ATP10A: variants seen among roughly 807,000 people sequenced by gnomAD.
ATP10A encodes the protein phospholipid-transporting ATPase VA.
In ATP10A, 111 loss-of-function variants were observed where a neutral mutation model predicts 147.8. The ratio of observed to expected loss-of-function variants is 0.75; its 90% confidence interval spans 0.64 to 0.88. The LOEUF is 0.88. Ranked by LOEUF, ATP10A falls within the 40% of genes least tolerant of loss-of-function variation. The pLI, the probability that ATP10A is intolerant of heterozygous loss-of-function variation, is 0.00. For synonymous variants in ATP10A, 875 were observed against 841.6 expected (o/e 1.04, Z -0.69); for missense variants, 1,927 against 1,959.0 (o/e 0.98, Z 0.31).
At chr15:25,714,642 C>A (rs1901668823) in intron 9 of ATP10A, among the ~76,000 whole-genome samples, 1 of 152,140 alleles carries the variant, frequency 6.6e-6, no homozygotes, top group East Asian at 1.9e-4. Context: ...AGGGGAGTTG[C>A]AGCTGGTGGC....
At position 25,716,841 on chromosome 15, in the gene ATP10A, C is replaced by A. The variant is rs1295669242; in HGVS notation, c.1665G>T (p.Glu555Asp). ...CAGGCGAGAGGTGGGCCAGCAGGTG[C>A]TCCTGATGCCTCGCCACGGCTAGGC... ...DKSLAVARHQ[E>D]HLLAHLSPEL... Residue 555 changes from glutamate (E) to aspartate (D), a missense_variant, in exon 9 of 21, where the codon GAG becomes GAT. Transcript: ENST00000555815. 1.2e-6 allele frequency: 2 copies of A among 1,610,916 alleles called. No homozygotes were observed. The highest frequency in any genetic ancestry group is 1.7e-6 in the Non-Finnish European group (2 of 1,178,688).
chr15:25,727,271 A>G lies in ATP10A; in HGVS notation c.741-5T>C, dbSNP rs1369764384. On this transcript the variant is annotated splice_region_variant and splice_polypyrimidine_tract_variant and intron_variant, in intron 3 of 20. Transcript: ENST00000555815. ...TTTTTCCCGTTGTCATGTATGCTGT[A>G]GAGGGACAGTTGGCACATGTCACGT... 6.2e-7 allele frequency: 1 copy of G among 1,611,404 alleles called. No homozygotes were observed. The highest frequency in any genetic ancestry group is 2.2e-5 in the East Asian group (1 of 44,856).
rs750698503 is a variant in ATP10A, at chr15:25,862,873, A to C, written c.224T>G (p.Leu75Arg). 4 of 1,612,042 alleles carry C rather than the reference A, an allele frequency of 2.5e-6. No homozygotes were observed. In the South Asian group the frequency reaches 4.4e-5, roughly 18 times the overall value. The change falls in exon 1 of 21, where the codon CTG becomes CGG. Residue 75 changes from leucine to arginine, a missense_variant. Coordinates refer to ENST00000555815, the MANE Select transcript of ATP10A (RefSeq NM_024490.4). ...KTTKYTLLSF[L>R]PKNLFEQFHR... Reference sequence around the variant, plus strand: ...GAACTGCTCGAACAGGTTCTTGGGCAGGAAGGACAGCAGCGTGTACTTGGT... The same window carrying C: ...GAACTGCTCGAACAGGTTCTTGGGCCGGAAGGACAGCAGCGTGTACTTGGT...
At chr15:25,845,873 A>G (rs531608560) in intron 1 of ATP10A, among the ~76,000 whole-genome samples, 1 of 152,340 alleles carries the variant, frequency 6.6e-6, no homozygotes, top group Admixed American at 6.5e-5. Flanking sequence ...TCACAGCAGC[A>G]CTGTTTACAA....
At chr15:25,862,400 G>T in intron 1 of ATP10A, 1 of 651,794 alleles carries the variant, frequency 1.5e-6, no homozygotes, top group Non-Finnish European at 2.8e-6. Flanking sequence ...GCCCCGACAC[G>T]GAGTGACAGG....
intron 13 of ATP10A, among the ~76,000 whole-genome samples, chr15:25,701,086 G>A (rs1434995178): frequency 6.6e-6 from 1 of 152,156 alleles, no homozygotes; most frequent in Non-Finnish European, 1.5e-5. Context: ...CAAGGTGCGA[G>A]GGTCACAATG....
At chr15:25,707,941 A>T (rs1901140622) in intron 12 of ATP10A, 35 bp downstream of exon 12, 6 of 1,606,454 alleles carry the variant, frequency 3.7e-6, no homozygotes, top group Non-Finnish European at 5.1e-6. Flanking sequence ...CAAACTCCAC[A>T]CTGCCCTTAG....
chr15:25,746,283 A>T (rs943713585), intron 2 of ATP10A, among the ~76,000 whole-genome samples: 1 of 152,198 alleles, frequency 6.6e-6, no homozygotes, highest in Non-Finnish European at 1.5e-5. Flanking sequence ...AATTTGAATT[A>T]AAAAGTTCAA....
chr15:25,755,068 ACT>A (rs1204226577), intron 2 of ATP10A, among the ~76,000 whole-genome samples: 4 of 152,132 alleles, frequency 2.6e-5, no homozygotes, highest in Non-Finnish European at 5.9e-5. Context: ...ATAGGCTAAC[ACT>A]CTGTCTGAAC....
chr15:25,745,390 G>A (rs1389330307), intron 2 of ATP10A, among the ~76,000 whole-genome samples: 1 of 151,942 alleles, frequency 6.6e-6, no homozygotes. Flanking sequence ...CTTGTTACTG[G>A]CACACAAAAA....
rs771193463 is a variant in ATP10A at position 25,694,977 on chromosome 15, C to T, written c.2930G>A (p.Arg977Lys). Residue 977 changes from arginine to lysine, a missense_variant, in exon 14 of 21, where the codon AGA becomes AAA. Physicochemically the swap from Arg to Lys is conservative, Grantham distance 26 (BLOSUM62 2). Coordinates refer to ENST00000555815, the MANE Select transcript of ATP10A (RefSeq NM_024490.4). ...GRRPSLVIDG[R>K]SLAYALEKNL... The stretch of plus-strand genomic sequence containing the variant: ...TTTCTCGAGAGCGTAGGCCAGGCTT[C>T]TCCCATCGATCACGAGGCTGGGTCT... 16 of 1,614,100 alleles carry T rather than the reference C, an allele frequency of 9.9e-6. No homozygotes were observed. The highest frequency in any genetic ancestry group is 1.4e-5 in the Non-Finnish European group (16 of 1,180,044).
chr15:25,764,372 TC>T (rs1375274815), intron 2 of ATP10A, among the ~76,000 whole-genome samples: 2 of 152,088 alleles, frequency 1.3e-5, no homozygotes, highest in East Asian at 3.9e-4. Context: ...TGTGTTTGAG[TC>T]CCCCATGTAT....
In ATP10A at chr15:25,828,782, T is replaced by C. The variant is rs1177234628; in HGVS notation, c.449+33866A>G. Among the ~76,000 whole-genome samples, 10 of 152,318 alleles carry C rather than the reference T, an allele frequency of 6.6e-5. 1 individual carries two copies. The highest frequency in any genetic ancestry group is 5.2e-4 in the Admixed American group (8 of 15,306). ...GTATTCCAGTAAGTGAACCATGATA[T>C]CTAATTATTATATGGATTTGGCAGC... On this transcript the variant is annotated intron_variant, in intron 1 of 20. Coordinates refer to ENST00000555815, the MANE Select transcript of ATP10A (RefSeq NM_024490.4).
chr15:25,675,104 G>C (rs1284227417), downstream of ATP10A, among the ~76,000 whole-genome samples: 1 of 152,204 alleles, frequency 6.6e-6, no homozygotes, highest in Admixed American at 6.5e-5. Flanking sequence ...TGGAAGCCGC[G>C]GATGGTCTCC....
intron 3 of ATP10A, among the ~76,000 whole-genome samples, chr15:25,728,411 T>C (rs1407887619): frequency 6.6e-6 from 1 of 152,214 alleles, no homozygotes; most frequent in African/African-American, 2.4e-5. Flanking sequence ...CAACGCCGTG[T>C]CTACTGCTCC....
At chr15:25,715,578 C>A (rs900423241) in intron 9 of ATP10A, among the ~76,000 whole-genome samples, 11 of 152,248 alleles carry the variant, frequency 7.2e-5, no homozygotes, top group Admixed American at 7.2e-4. Context: ...GGGGGCAGAG[C>A]CCAGAGGCCA....
At chr15:25,792,873 CTTTTTT>C (rs56011953) in intron 1 of ATP10A, among the ~76,000 whole-genome samples, 2 of 134,196 alleles carry the variant, frequency 1.5e-5, no homozygotes, top group African/African-American at 5.8e-5. Context: ...CCTTTTCAAT[CTTTTTT>C]TTTTTTTTGA....
Position 25,806,264 on chromosome 15 carries a change from G to A in ATP10A, c.450-25041C>T, listed in dbSNP as rs183790561. 2.3e-3 allele frequency among the ~76,000 whole-genome samples: 348 copies of A among 152,254 alleles called. 3 individuals carry two copies. The highest frequency in any genetic ancestry group is 7.8e-3 in the African/African-American group (325 of 41,526). ...TGACGAGAATGAAGATCTGTATGAT[G>A]ATCCACTTCCACTTAATGCATAGTA... On this transcript the variant is annotated intron_variant, in intron 1 of 20. Transcript: ENST00000555815.
chr15:25,746,237 T>G (rs977575369), intron 2 of ATP10A, among the ~76,000 whole-genome samples: 1 of 152,138 alleles, frequency 6.6e-6, no homozygotes, highest in African/African-American at 2.4e-5. Flanking sequence ...TAATATAGTA[T>G]TAAATCAAAA....
Sources: allele counts gnomAD v4.1 joint callset (sites outside exome capture counted in the v4.1 genomes callset), GRCh38; gene constraint gnomAD v4.1.1; transcripts MANE v1.5; gene names NCBI Gene and HGNC (gene_info 2026-07-23, HGNC 2026-07-21).